Variants in ZBP1 observed in about 807,000 individuals in gnomAD.
ZBP1 encodes the protein Z-DNA binding protein 1.
ZBP1 carries 42 observed loss-of-function variants against 41.1 expected under a neutral mutation model. That is an observed-to-expected ratio of 1.02 (90% confidence interval 0.80 to 1.32). ZBP1 has a LOEUF of 1.32. ZBP1 is among the 40% of genes most tolerant of loss of function. The pLI is 0.00. For synonymous variants in ZBP1, 214 were observed against 205.2 expected (o/e 1.04, Z -0.37); for missense variants, 562 against 549.7 (o/e 1.02, Z -0.22).
intron 7 of ZBP1, chr20:57,607,168 C>G: frequency 3.1e-6 from 4 of 1,304,220 alleles, no homozygotes; most frequent in Non-Finnish European, 4.0e-6. Context: ...GATCACCAAT[C>G]TACATGCCGT....
intron 4 of ZBP1, among the ~76,000 whole-genome samples, chr20:57,614,372 T>C (rs1025973656): frequency 6.6e-6 from 1 of 152,154 alleles, no homozygotes; most frequent in Admixed American, 6.5e-5. Context: ...TCATTTCCTC[T>C]GATTTTAAAT....
Position 57,619,998 on chromosome 20 carries a change from G to A in ZBP1, c.34+264C>T, listed in dbSNP as rs898529516. 8.4e-4 allele frequency among the ~76,000 whole-genome samples: 128 copies of A among 152,226 alleles called. 1 individual carries two copies. Among genetic ancestry groups the A allele is most frequent in the African/African-American group, 3.1e-3 (127 of 41,536 alleles). On this transcript the variant is annotated intron_variant, in intron 1 of 7. Coordinates refer to ENST00000371173, the MANE Select transcript of ZBP1 (RefSeq NM_030776.3). ...ATCACAGGCATGCGCCACCATGCCC[G>A]GTTAATTTTTGTAATTTTAGTAGAG...
intron 1 of ZBP1, chr20:57,616,905 C>G: frequency 4.7e-6 from 1 of 214,018 alleles, no homozygotes; most frequent in Non-Finnish European, 9.6e-6. Flanking sequence ...CATCGCCATC[C>G]TCCCCGGGAG....
intron 7 of ZBP1, 129 bp from the exon 8 acceptor site, chr20:57,604,898 A>C (rs1568923991): frequency 2.2e-6 from 2 of 892,034 alleles, no homozygotes; most frequent in Non-Finnish European, 3.4e-6. Context: ...ATTTGTACAA[A>C]GTCTTGAACA....
intron 5 of ZBP1, chr20:57,612,844 A>G (rs1390207624): frequency 2.0e-5 from 23 of 1,142,248 alleles, no homozygotes; most frequent in Non-Finnish European, 2.6e-5. Flanking sequence ...ACCGGACCCC[A>G]TTGAAAATGA....
Position 57,614,922 on chromosome 20 carries a change from T to C in ZBP1, c.467A>G (p.Asp156Gly), listed in dbSNP as rs918079281. The stretch of plus-strand genomic sequence containing the variant: ...AATCGTCCATGCTTTGGACTGCTCA[T>C]CCATGTCCAGAAGGTGCCTGCTCTT... ...RMKSRHLLDM[D>G]EQSKAWTIYR... Residue 156 changes from aspartate (D) to glycine (G), a missense_variant, in exon 4 of 8, where the codon GAT (aspartate) becomes GGT (glycine). Transcript: ENST00000371173. 7.6e-5 allele frequency: 122 copies of C among 1,614,090 alleles called. No homozygotes were observed. The highest frequency in any genetic ancestry group is 9.9e-5 in the Non-Finnish European group (117 of 1,180,046).
chr20:57,608,941 A>T (rs1177041594), intron 7 of ZBP1, among the ~76,000 whole-genome samples: 1 of 152,222 alleles, frequency 6.6e-6, no homozygotes, highest in African/African-American at 2.4e-5. Context: ...TCCAGATCCC[A>T]AAAGGGTAGG....
chr20:57,615,307 C>A, intron 3 of ZBP1: 2 of 695,220 alleles, frequency 2.9e-6, no homozygotes, highest in Non-Finnish European at 4.9e-6. Context: ...CAGCTATTGT[C>A]TGACTGGAGA....
chr20:57,615,122 C>A (rs1044585223), intron 3 of ZBP1, 62 bp from the exon 4 acceptor site: 3 of 1,577,940 alleles, frequency 1.9e-6, no homozygotes, highest in Non-Finnish European at 2.6e-6. Context: ...TGCCCCACCG[C>A]TTCCTAGCTG....
chr20:57,613,896 A>G lies in ZBP1; in HGVS notation c.503-566T>C, dbSNP rs1462911454. 2.6e-5 allele frequency among the ~76,000 whole-genome samples: 4 copies of G among 152,150 alleles called. No individual in the cohort carries two copies. The highest frequency in any genetic ancestry group is 5.9e-5 in the Non-Finnish European group (4 of 68,024). On this transcript the variant is annotated intron_variant, in intron 4 of 7. Coordinates refer to ENST00000371173, the MANE Select transcript of ZBP1 (RefSeq NM_030776.3). The surrounding 1 kb of genome is among the most constrained non-coding windows in gnomAD (Gnocchi z 4.5). ...CAGCCCTGCAGAGGTTGAGGCAGGCACCTGCCCAGACTGTGCGGGGCCCAT... is the reference window on the plus strand; with the variant it reads ...CAGCCCTGCAGAGGTTGAGGCAGGCGCCTGCCCAGACTGTGCGGGGCCCAT...
chr20:57,613,422 G>A lies in ZBP1; in HGVS notation c.503-92C>T. ...CGGCAGCACCAAATTCTCCTGGGGA[G>A]CTTGTTAAAATACCCTGGGCGTTCC... is the stretch of plus-strand genomic sequence containing the variant. On this transcript the variant is annotated intron_variant, in intron 4 of 7. Coordinates refer to ENST00000371173, the MANE Select transcript of ZBP1 (RefSeq NM_030776.3). This position sits in a 1 kb window ranked among gnomAD's most constrained non-coding sequence, Gnocchi z 4.5. 1.4e-6 allele frequency: 2 copies of A among 1,419,922 alleles called. No individual in the cohort carries two copies. Among genetic ancestry groups the A allele is most frequent in the Non-Finnish European group, 1.9e-6 (2 of 1,035,902 alleles). The allele number at this position is 1,419,922 out of a possible 1,614,324, so 88.0% of individuals were successfully genotyped here. A position where few individuals can be genotyped will look rare whatever the true frequency, so the allele number is the denominator to read the frequency against.
At chr20:57,617,564 T>A (rs1036359264) in intron 1 of ZBP1, 2 of 152,370 alleles carry the variant, frequency 1.3e-5, no homozygotes, top group African/African-American at 4.8e-5. Flanking sequence ...AATGAATGAA[T>A]GAATGAATGG....
chr20:57,620,251 A>C lies in ZBP1; in HGVS notation c.34+11T>G. On this transcript the variant is annotated intron_variant, in intron 1 of 7. Coordinates refer to ENST00000371173, the MANE Select transcript of ZBP1 (RefSeq NM_030776.3). ...GCTACCGCTGGTCCTTGGAAGGAAG[A>C]AGTACTGTACCTTCTCTGCCCGGGT... The C allele has an allele frequency of 1.3e-6, 2 of 1,587,294 alleles. No individual in the cohort carries two copies. The highest frequency in any genetic ancestry group is 1.7e-6 in the Non-Finnish European group (2 of 1,166,054).
chr20:57,606,331 A>G (rs1277067272), intron 7 of ZBP1, among the ~76,000 whole-genome samples: 3 of 152,266 alleles, frequency 2.0e-5, no homozygotes, highest in Admixed American at 2.0e-4. Context: ...AGGAAGCTGC[A>G]GAAGAATAGT....
rs2070623510 is a variant in ZBP1, at chr20:57,610,292, TC to T, written c.949del (p.Glu317LysfsTer8). ...IPSPGTHPEG[E>X]AAQRIHMKSC... ...TTTCATGTGGATTCTCTGGGCGGCT[TC>T]CCCCTCAGGGTGAGTTCCTGGACTG... On this transcript the variant is annotated frameshift_variant, in exon 7 of 8. Coordinates refer to ENST00000371173, the MANE Select transcript of ZBP1 (RefSeq NM_030776.3). LOFTEE classifies it high-confidence loss of function. The surrounding 1 kb of genome is among the most constrained non-coding windows in gnomAD (Gnocchi z 5.5). 2 of 1,613,994 alleles carry T rather than the reference TC, an allele frequency of 1.2e-6. No individual in the cohort carries two copies. Among genetic ancestry groups the T allele is most frequent in the Admixed American group, 1.7e-5 (1 of 60,006 alleles).
rs2070445764 is a variant in ZBP1 at position 57,604,438 on chromosome 20, A to G, written c.*135T>C. ...TCCCCATGCCAGGTCCATTCCCCCA[A>G]AACTGATTCATGCAGGTTATGTCTG... On this transcript the variant is annotated 3_prime_UTR_variant, in exon 8 of 8. Coordinates refer to ENST00000371173, the MANE Select transcript of ZBP1 (RefSeq NM_030776.3). The G allele has an allele frequency of 8.6e-7, 1 of 1,169,286 alleles. No individual in the cohort carries two copies. Among genetic ancestry groups the G allele is most frequent in the East Asian group, 2.4e-5 (1 of 41,802 alleles). The allele number at this position is 1,169,286 out of a possible 1,614,324, so 72.4% of individuals were successfully genotyped here. A position where few individuals can be genotyped will look rare whatever the true frequency, so the allele number is the denominator to read the frequency against.
In ZBP1 at chr20:57,604,574, T is replaced by TA. The variant is rs1329260967; in HGVS notation, c.1288dup (p.Ter430LeufsTer68). 2 of 1,612,842 alleles carry TA rather than the reference T, an allele frequency of 1.2e-6. No homozygotes were observed. Among genetic ancestry groups the TA allele is most frequent in the African/African-American group, 2.7e-5 (2 of 74,920 alleles). On this transcript the variant is annotated frameshift_variant and stop_lost, in exon 8 of 8. Coordinates refer to ENST00000371173, the MANE Select transcript of ZBP1 (RefSeq NM_030776.3). LOFTEE classifies it high-confidence loss of function. The stretch of plus-strand genomic sequence containing the variant: ...CCAAGCCCCACGTGAGGCTGTGCAC[T>TA]AAATCCCACCTCCCCACCAGCTCCC...
chr20:57,620,075 A>G (rs1325750597), intron 1 of ZBP1, 187 bp downstream of exon 1: 2 of 647,622 alleles, frequency 3.1e-6, no homozygotes, highest in Admixed American at 2.9e-5. Context: ...GAGCTTAAAC[A>G]GTCCACCTAC....
chr20:57,619,365 T>C (rs1465918798), intron 1 of ZBP1, among the ~76,000 whole-genome samples: 1 of 152,148 alleles, frequency 6.6e-6, no homozygotes, highest in African/African-American at 2.4e-5. Context: ...GAGACAGTAA[T>C]AACTACTTCA....
Sources: gnomAD v4.1 joint callset for allele counts (sites outside exome capture counted in the v4.1 genomes callset) on GRCh38, gnomAD v4.1.1 for gene constraint, Gnocchi (gnomAD v3.1) non-coding constraint, MANE v1.5 for transcripts, NCBI Gene and HGNC (gene_info 2026-07-23, HGNC 2026-07-21) for gene names.